Variants in TMEM106C observed in about 807,000 individuals in gnomAD.
The protein encoded by TMEM106C is transmembrane protein 106C.
Under a neutral mutation model 30.8 loss-of-function variants are expected in TMEM106C, and 27 were observed. The ratio of observed to expected loss-of-function variants is 0.88; its 90% CI spans 0.65 to 1.21. TMEM106C has a LOEUF of 1.21. Among genes scored for constraint, TMEM106C ranks in the 50% most tolerant of loss-of-function variants. The pLI is 0.00. For missense variants in TMEM106C, 288 were observed against 307.8 expected, an observed-to-expected ratio of 0.94 and a Z score of 0.48; for synonymous variants, 123 against 118.8, an observed-to-expected ratio of 1.04 and a Z score of -0.23.
In TMEM106C at chr12:47,968,177, C is replaced by A; in HGVS notation, c.701C>A (p.Ser234Tyr). The stretch of plus-strand genomic sequence containing the variant: ...TACATTGGCCTCATGACCCAGAGCT[C>A]CTTGGAGACACATCACTATGTGGAT... ...ISYIGLMTQS[S>Y]LETHHYVDCG... is the part of the protein sequence containing the mutation. Residue 234 changes from serine to tyrosine, a missense_variant, in exon 8 of 8, where the codon TCC becomes TAC. By Grantham distance (144) the Ser-to-Tyr change is moderately radical. Coordinates refer to ENST00000429772, the MANE Select transcript of TMEM106C (RefSeq NM_001143842.2). 6.2e-7 allele frequency: 1 copy of A among 1,614,094 alleles called. No homozygotes were observed. Among genetic ancestry groups the A allele is most frequent in the Non-Finnish European group, 8.5e-7 (1 of 1,180,004 alleles).
chr12:47,965,890 G>C lies in TMEM106C; in HGVS notation c.304G>C (p.Val102Leu). ...GCTTTGTCTCCTGGCATCTGGTTTG[G>C]TGGTTTTCTTCCTGTTTCCGCATTC... ...ILLCLLASGL[V>L]VFFLFPHSVL... is the part of the protein sequence containing the mutation. Residue 102 changes from valine to leucine, a missense_variant, in exon 4 of 8, where the codon GTG becomes CTG. By Grantham distance (32) the Val-to-Leu change is conservative (BLOSUM62 1). Transcript: ENST00000429772. 1 of 1,614,226 alleles carries C rather than the reference G, an allele frequency of 6.2e-7. No homozygotes were observed. The highest frequency in any genetic ancestry group is 8.5e-7 in the Non-Finnish European group (1 of 1,180,040).
In TMEM106C at chr12:47,966,014, C is replaced by A. The variant is rs115830671; in HGVS notation, c.411+17C>A. The A allele has an allele frequency of 2.0e-3, 3,148 of 1,614,148 alleles. 51 individuals are homozygous for A. The African/African-American group carries it at 0.035, about 18-fold the overall frequency. ...ACCATCATGGTAAGCCTTAGGGTTTCATTCCCTGGGTTGTGCACCTGCCAG... is the reference window on the plus strand; with the variant it reads ...ACCATCATGGTAAGCCTTAGGGTTTAATTCCCTGGGTTGTGCACCTGCCAG... On this transcript the variant is annotated intron_variant, in intron 4 of 7. Transcript: ENST00000429772.
chr12:47,965,226 A>G, intron 2 of TMEM106C, 56 bp from the exon 3 acceptor site: 1 of 1,442,176 alleles, frequency 6.9e-7, no homozygotes, highest in Admixed American at 1.7e-5. Context: ...GTGAGACGTG[A>G]AGGAAGTACT....
At chr12:47,967,026 T>C (rs1938249732) in intron 6 of TMEM106C, 182 bp from the exon 7 acceptor site, 4 of 701,262 alleles carry the variant, frequency 5.7e-6, no homozygotes, top group South Asian at 1.8e-5. Flanking sequence ...AAACAGAAAG[T>C]GGTATGACGC....
In TMEM106C at chr12:47,964,666, C is replaced by G. The variant is rs145684563; in HGVS notation, c.187+243C>G. The stretch of plus-strand genomic sequence containing the variant: ...TTCTTTTCCTGAGGTTTGGAACATT[C>G]AGTTCGCTCTGTGTTGTGGGATTTG... On this transcript the variant is annotated intron_variant, in intron 2 of 7. Transcript: ENST00000429772. The G allele has an allele frequency of 1.6e-3, 858 of 528,906 alleles. 9 individuals carry two copies. Among genetic ancestry groups the G allele is most frequent in the African/African-American group, 0.015 (797 of 52,550 alleles). The allele number at this position is 528,906 out of a possible 1,614,324, so 32.8% of individuals were successfully genotyped here.
chr12:47,966,101 A>G lies in TMEM106C; in HGVS notation c.424A>G (p.Ile142Val). 1 of 1,614,220 alleles carries G rather than the reference A, an allele frequency of 6.2e-7. No homozygotes were observed. The highest frequency in any genetic ancestry group is 8.5e-7 in the Non-Finnish European group (1 of 1,180,036). Residue 142 changes from isoleucine (I) to valine (V), a missense_variant, in exon 5 of 8, where the codon ATC becomes GTC. Coordinates refer to ENST00000429772, the MANE Select transcript of TMEM106C (RefSeq NM_001143842.2). ...VILTIMATLKIRNSNFYTVAV... is the reference protein window; with the variant it reads ...VILTIMATLKVRNSNFYTVAV... ...TGCCCTGATGTAGGCCACCCTGAAAATCAGGAACTCCAACTTCTACACGGT... is the reference window on the plus strand; with the variant it reads ...TGCCCTGATGTAGGCCACCCTGAAAGTCAGGAACTCCAACTTCTACACGGT...
At chr12:47,964,741 C>T (rs765923971) in intron 2 of TMEM106C, 39 of 364,414 alleles carry the variant, frequency 1.1e-4, no homozygotes, top group Non-Finnish European at 1.4e-4. Context: ...GACAGCTTTG[C>T]GGGGGAACCA....
rs752974854 is a variant in TMEM106C, at chr12:47,968,267, G to A, written c.*38G>A. On this transcript the variant is annotated 3_prime_UTR_variant, in exon 8 of 8. Transcript: ENST00000429772. Reference sequence around the variant, plus strand: ...GTTCTTCCACACAGCGCCTGTAGAAGAGAGCACAGCATATGTTCCCAAGGC... The same window carrying A: ...GTTCTTCCACACAGCGCCTGTAGAAAAGAGCACAGCATATGTTCCCAAGGC... 1 of 1,500,410 alleles carries A rather than the reference G, an allele frequency of 6.7e-7. No homozygotes were observed. The highest frequency in any genetic ancestry group is 1.4e-5 in the African/African-American group (1 of 72,834). 92.9% of individuals were successfully genotyped at this position (1,500,410 alleles called of 1,614,324 possible). A position where few individuals can be genotyped will look rare whatever the true frequency, so the allele number is the denominator to read the frequency against.
chr12:47,967,148 T>C, intron 6 of TMEM106C, 60 bp from the exon 7 acceptor site: 3 of 1,565,638 alleles, frequency 1.9e-6, no homozygotes, highest in Non-Finnish European at 2.6e-6. Context: ...AACTCTGCAC[T>C]CTTCTACTGA....
At position 47,966,703 on chromosome 12, in the gene TMEM106C, C is replaced by T. The variant is rs539654732; in HGVS notation, c.573C>T (p.Ala191=). 154 of 1,614,128 alleles carry T rather than the reference C, an allele frequency of 9.5e-5. No homozygotes were observed. The South Asian group carries it at 1.1e-3, about 12-fold the overall frequency. ...SEQLVNFTGK[A]EMGGPFSYVY... Reference sequence around the variant, plus strand: ...TTCAGGTGAATTTTACCGGGAAGGCCGAGATGGGAGGACCGTTTTCCTATG... The same window carrying T: ...TTCAGGTGAATTTTACCGGGAAGGCTGAGATGGGAGGACCGTTTTCCTATG... The change falls in exon 6 of 8, where the codon GCC becomes GCT. Residue 191 remains alanine, a synonymous_variant. Transcript: ENST00000429772.
At chr12:47,965,492 C>A in intron 3 of TMEM106C, 147 bp downstream of exon 3, 2 of 746,758 alleles carry the variant, frequency 2.7e-6, no homozygotes, top group East Asian at 2.6e-5. Flanking sequence ...AGCAAGATAT[C>A]TCTGCCCCCA....
In TMEM106C at chr12:47,968,643, A is replaced by G; in HGVS notation, c.*414A>G. The G allele has an allele frequency of 1.1e-5, 3 of 273,676 alleles. No individual in the cohort carries two copies. The South Asian group carries it at 1.1e-4, about 10-fold the overall frequency. 17.0% of individuals were successfully genotyped at this position (273,676 alleles called of 1,614,324 possible). A position where few individuals can be genotyped will look rare whatever the true frequency, so the allele number is the denominator to read the frequency against. ...TGTGCAGAAGTGGCAGCAGAGAGGG[A>G]CCATCCAAATACCTAAGAGAAAACA... On this transcript the variant is annotated 3_prime_UTR_variant, in exon 8 of 8. Coordinates refer to ENST00000429772, the MANE Select transcript of TMEM106C (RefSeq NM_001143842.2).
chr12:47,964,186 T>C, intron 1 of TMEM106C, 23 bp from the exon 2 acceptor site: 1 of 1,579,752 alleles, frequency 6.3e-7, no homozygotes, highest in Non-Finnish European at 8.6e-7. Context: ...GCCGCTAACG[T>C]GCACTCCCTC....
intron 2 of TMEM106C, chr12:47,964,888 C>G (rs913317838): frequency 1.2e-5 from 3 of 248,636 alleles, no homozygotes; most frequent in African/African-American, 4.6e-5. Context: ...CAAATTGGCC[C>G]TCAGAAAGTC....
chr12:47,967,270 C>G lies in TMEM106C; in HGVS notation c.656+9C>G, dbSNP rs1446008664. Reference sequence around the variant, plus strand: ...ATAGTGATCTTCATGCGGTGCGTCTCTCTTCCCTATCCCGATGGCCTGTCC... The same window carrying G: ...ATAGTGATCTTCATGCGGTGCGTCTGTCTTCCCTATCCCGATGGCCTGTCC... On this transcript the variant is annotated intron_variant, in intron 7 of 7. Transcript: ENST00000429772. 9.9e-6 allele frequency: 16 copies of G among 1,614,158 alleles called. No individual in the cohort carries two copies. Among genetic ancestry groups the G allele is most frequent in the Non-Finnish European group, 1.4e-5 (16 of 1,180,000 alleles).
chr12:47,966,217 G>C lies in TMEM106C; in HGVS notation c.540G>C (p.Arg180=), dbSNP rs773701790. The C allele has an allele frequency of 6.2e-7, 1 of 1,613,898 alleles. No homozygotes were observed. Among genetic ancestry groups the C allele is most frequent in the Non-Finnish European group, 8.5e-7 (1 of 1,180,032 alleles). Residue 180 remains arginine, a synonymous_variant, in exon 5 of 8, where the codon CGG becomes CGC. Transcript: ENST00000429772. ...VTTNVSLIPP[R]SEQLVNFTGK... ...CTAACGTCTCCCTTATTCCACCTCG[G>C]AGTGAGCAACTGGTATGCTGTTCTT... is the stretch of plus-strand genomic sequence containing the variant.
At chr12:47,967,102 G>A (rs561807711) in intron 6 of TMEM106C, 106 bp from the exon 7 acceptor site, 20 of 1,166,158 alleles carry the variant, frequency 1.7e-5, no homozygotes, top group African/African-American at 9.2e-5. Flanking sequence ...CACTTAGGTC[G>A]GAAGGGGGAG....
At chr12:47,965,149 A>G (rs1592184821) in intron 2 of TMEM106C, 133 bp from the exon 3 acceptor site, 1 of 677,172 alleles carries the variant, frequency 1.5e-6, no homozygotes, top group South Asian at 1.9e-5. Context: ...TAGACCCAAC[A>G]TGTGAATTTC....
intron 2 of TMEM106C, among the ~76,000 whole-genome samples, chr12:47,964,975 A>G (rs900261002): frequency 6.6e-6 from 1 of 152,212 alleles, no homozygotes; most frequent in Non-Finnish European, 1.5e-5. Context: ...CAAAGCTTCC[A>G]TATGAAAGGC....
Sources: allele counts gnomAD v4.1 joint callset (sites outside exome capture counted in the v4.1 genomes callset), GRCh38; gene constraint gnomAD v4.1.1; transcripts MANE v1.5; gene names NCBI Gene and HGNC (gene_info 2026-07-23, HGNC 2026-07-21).